GABPB2: variants seen among roughly 807,000 people sequenced by gnomAD.
The protein encoded by GABPB2 is GA binding protein transcription factor subunit beta 2.
GABPB2 carries 23 observed loss-of-function variants against 39.1 expected under a neutral mutation model. That is an observed-to-expected ratio of 0.59 (90% CI 0.42 to 0.83). GABPB2 has a LOEUF of 0.83. Ranked by LOEUF, GABPB2 falls within the 40% of genes least tolerant of loss-of-function variation. The probability of loss-of-function intolerance (pLI) is 0.00; values close to 1 mark genes in which losing one functional copy is unlikely to be tolerated. For synonymous variants in GABPB2, 184 were observed against 199.3 expected, an observed-to-expected ratio of 0.92 and a Z score of 0.65; for missense variants, 467 against 541.1, an observed-to-expected ratio of 0.86 and a Z score of 1.36.
chr1:151,105,425 A>AAT (rs1044690134), intron 6 of GABPB2, among the ~76,000 whole-genome samples: 1 of 148,478 alleles, frequency 6.7e-6, no homozygotes, highest in Non-Finnish European at 1.5e-5. Context: ...TATATATACA[A>AAT]ATATATATAT....
chr1:151,083,873 T>C (rs1447993800), intron 1 of GABPB2, among the ~76,000 whole-genome samples: 1 of 150,374 alleles, frequency 6.7e-6, no homozygotes, highest in Admixed American at 6.6e-5. Flanking sequence ...CCCGAGTAGC[T>C]GTCATTACAG....
chr1:151,109,449 C>G (rs1680230982), intron 7 of GABPB2, among the ~76,000 whole-genome samples: 1 of 149,734 alleles, frequency 6.7e-6, no homozygotes, highest in Non-Finnish European at 1.5e-5. Flanking sequence ...ACCTCCACCT[C>G]CTGGGTTCAA....
In GABPB2 at chr1:151,079,562, G is replaced by A. The variant is rs587605146; in HGVS notation, c.-1+8628G>A. On this transcript the variant is annotated intron_variant, in intron 1 of 8. Coordinates refer to ENST00000368918, the MANE Select transcript of GABPB2 (RefSeq NM_144618.3). Reference sequence around the variant, plus strand: ...TCTCAGTAAATAAATATATAAATACGATAAATGTAGATATGAAAGCAGACT... The same window carrying A: ...TCTCAGTAAATAAATATATAAATACAATAAATGTAGATATGAAAGCAGACT... 7.9e-5 allele frequency among the ~76,000 whole-genome samples: 12 copies of A among 151,600 alleles called. No individual in the cohort carries two copies. The East Asian group carries it at 1.6e-3, about 20-fold the overall frequency.
At chr1:151,104,280 G>T (rs922639211) in intron 6 of GABPB2, among the ~76,000 whole-genome samples, 1 of 152,164 alleles carries the variant, frequency 6.6e-6, no homozygotes, top group Admixed American at 6.6e-5. Context: ...ATAGGCAGGG[G>T]CATATAGTCA....
At chr1:151,080,224 A>C (rs1218300656) in intron 1 of GABPB2, among the ~76,000 whole-genome samples, 4 of 128,342 alleles carry the variant, frequency 3.1e-5, no homozygotes, top group Admixed American at 7.5e-5. Flanking sequence ...TCAAAAAAAA[A>C]AAAAAAAAAA....
chr1:151,103,455 T>A (rs936924078), intron 5 of GABPB2, 107 bp from the exon 6 acceptor site: 2 of 685,470 alleles, frequency 2.9e-6, no homozygotes, highest in Non-Finnish European at 5.2e-6. Context: ...AGAACAAGAT[T>A]GAGGACATTA....
At chr1:151,085,434 G>C (rs1373679054) in intron 1 of GABPB2, among the ~76,000 whole-genome samples, 2 of 152,042 alleles carry the variant, frequency 1.3e-5, no homozygotes, top group Admixed American at 6.6e-5. Context: ...CATGATAAAA[G>C]CAGTTATTTA....
At chr1:151,105,964 AT>A (rs777292015) in intron 6 of GABPB2, among the ~76,000 whole-genome samples, 213 of 143,344 alleles carry the variant, frequency 1.5e-3, no homozygotes, top group Admixed American at 1.8e-3. Context: ...GTTATTTTAG[AT>A]TTTTTTTTTT....
At position 151,090,584 on chromosome 1, in the gene GABPB2, A is replaced by G; in HGVS notation, c.276+11A>G. 6.2e-7 allele frequency: 1 copy of G among 1,612,994 alleles called. No homozygotes were observed. The highest frequency in any genetic ancestry group is 2.2e-5 in the East Asian group (1 of 44,862). On this transcript the variant is annotated intron_variant, in intron 3 of 8. Transcript: ENST00000368918. ...GAACTGCTTGTTCGGGTAAAGCAAGAATAGGGGCAAGGTTATGTTGTTAAA... is the reference window on the plus strand; with the variant it reads ...GAACTGCTTGTTCGGGTAAAGCAAGGATAGGGGCAAGGTTATGTTGTTAAA...
chr1:151,104,045 C>A (rs1392963505), intron 6 of GABPB2, among the ~76,000 whole-genome samples: 1 of 152,112 alleles, frequency 6.6e-6, no homozygotes, highest in African/African-American at 2.4e-5. Context: ...GCCCAGATAT[C>A]TTATATTAAA....
intron 1 of GABPB2, among the ~76,000 whole-genome samples, chr1:151,082,157 A>G (rs1363842746): frequency 6.8e-6 from 1 of 147,772 alleles, no homozygotes; most frequent in Non-Finnish European, 1.5e-5. Context: ...GCTCACCACA[A>G]CCTCTACCTC....
chr1:151,082,242 A>G (rs1222661253), intron 1 of GABPB2, among the ~76,000 whole-genome samples: 1 of 149,972 alleles, frequency 6.7e-6, no homozygotes, highest in African/African-American at 2.5e-5. Context: ...ATGCCCAGCT[A>G]ATTTTTGTAT....
chr1:151,078,271 C>CG (rs200551014), intron 1 of GABPB2, among the ~76,000 whole-genome samples: 1,522 of 129,076 alleles, frequency 0.012, 40 homozygotes, highest in African/African-American at 0.042. Context: ...GACTTCAACT[C>CG]GAAAAAAAAA....
At chr1:151,072,002 G>A (rs941955695) in intron 1 of GABPB2, among the ~76,000 whole-genome samples, 12 of 152,182 alleles carry the variant, frequency 7.9e-5, no homozygotes, top group African/African-American at 2.9e-4. Context: ...ACAGTCTATG[G>A]CTTACTATCA....
intron 4 of GABPB2, among the ~76,000 whole-genome samples, chr1:151,096,496 T>A (rs1260673885): frequency 6.6e-6 from 1 of 152,166 alleles, no homozygotes; most frequent in Non-Finnish European, 1.5e-5. Context: ...TATTTTTTTT[T>A]AATTGACAGG....
At chr1:151,076,145 A>G (rs1677153706) in intron 1 of GABPB2, among the ~76,000 whole-genome samples, 1 of 152,214 alleles carries the variant, frequency 6.6e-6, no homozygotes, top group Admixed American at 6.5e-5. Context: ...GTACAACAGC[A>G]ATATACTCCT....
intron 7 of GABPB2, among the ~76,000 whole-genome samples, chr1:151,107,618 G>A (rs587595095): frequency 1.3e-5 from 2 of 151,490 alleles, no homozygotes; most frequent in South Asian, 2.1e-4. Context: ...CGGGTTCACC[G>A]CGCCCGGCCC....
intron 7 of GABPB2, among the ~76,000 whole-genome samples, chr1:151,111,547 T>C (rs1176435378): frequency 6.6e-6 from 1 of 151,862 alleles, no homozygotes; most frequent in Non-Finnish European, 1.5e-5. Context: ...CTCAGCCTCC[T>C]GAGTAGCTGG....
intron 3 of GABPB2, among the ~76,000 whole-genome samples, chr1:151,092,026 G>A (rs1211886682): frequency 6.6e-6 from 1 of 151,702 alleles, no homozygotes; most frequent in Non-Finnish European, 1.5e-5. Flanking sequence ...TGCACTCCTG[G>A]CCTCAAGCAA....
Sources: gnomAD v4.1 joint callset for allele counts (sites outside exome capture counted in the v4.1 genomes callset) on GRCh38, gnomAD v4.1.1 for gene constraint, MANE v1.5 for transcripts, NCBI Gene and HGNC (gene_info 2026-07-23, HGNC 2026-07-21) for gene names.